The following AMMECR1 variants were observed in gnomAD, a reference collection of about 807,000 sequenced individuals.
The protein encoded by AMMECR1 is nuclear protein AMMECR1.
In AMMECR1, 3 loss-of-function variants were observed where a neutral mutation model predicts 22.5. That is an observed-to-expected ratio of 0.13 (90% confidence interval 0.06 to 0.35). AMMECR1 has a LOEUF of 0.35. Ranked by LOEUF, AMMECR1 falls within the 10% of genes least tolerant of loss-of-function variation. The pLI is 1.00. For missense variants in AMMECR1, 235 were observed against 278.7 expected (o/e 0.84, Z 1.12); for synonymous variants, 130 against 116.7 (o/e 1.11, Z -0.74).
intron 2 of AMMECR1, among the ~76,000 whole-genome samples, chrX:110,229,446 TG>T (rs938839200): frequency 8.9e-6 from 1 of 112,277 alleles, no homozygotes; most frequent in Non-Finnish European, 1.9e-5. Context: ...TGGCAATTGC[TG>T]ATTCTGTACT....
chrX:110,401,791 A>G (rs2068566796), intron 2 of AMMECR1, among the ~76,000 whole-genome samples: 1 of 112,097 alleles, frequency 8.9e-6, no homozygotes. Flanking sequence ...TGTAAAATGG[A>G]TCTAATAATA....
chrX:110,398,408 T>G (rs1238296481), intron 2 of AMMECR1, among the ~76,000 whole-genome samples: 1 of 112,645 alleles, frequency 8.9e-6, no homozygotes, highest in African/African-American at 3.2e-5. Flanking sequence ...CAGATGCCCT[T>G]CTTCCCATTA....
intron 2 of AMMECR1, among the ~76,000 whole-genome samples, chrX:110,395,475 C>T (rs2068522382): frequency 9.0e-6 from 1 of 111,670 alleles, no homozygotes; most frequent in Non-Finnish European, 1.9e-5. Context: ...CTTGGTAATC[C>T]TCATGTAATC....
In AMMECR1 at chrX:110,252,150, C is replaced by A. The variant is rs777292136; in HGVS notation, c.584+12339G>T. ...TACAGATGAGAAAACCAAGACATGG[C>A]AGAAATTCAGTAGCTTCCCTTGGGT... On this transcript the variant is annotated intron_variant, in intron 2 of 5. Coordinates refer to ENST00000262844, the MANE Select transcript of AMMECR1 (RefSeq NM_015365.3). Among the ~76,000 whole-genome samples the A allele has an allele frequency of 8.1e-5, 9 of 111,596 alleles. No individual in the cohort carries two copies. In the East Asian group the frequency reaches 2.5e-3, roughly 31 times the overall value.
At chrX:110,317,576 G>C in intron 1 of AMMECR1, 23 bp downstream of exon 1, 1 of 1,146,714 alleles carries the variant, frequency 8.7e-7, no homozygotes, top group Non-Finnish European at 1.2e-6. Flanking sequence ...AAGGGAGAGG[G>C]CGGCGGAGGG....
Position 110,383,133 on chromosome X carries a change from G to A in AMMECR1, c.-148+43525C>T, listed in dbSNP as rs777926969. On this transcript the variant is annotated intron_variant, in intron 2 of 7. Coordinates refer to the AMMECR1 transcript ENST00000372057. ...AACCACCCCTCTTCCCAGAGTGTGTGTATACAAGATGAGTTACTTAAGATT... is the reference window on the plus strand; with the variant it reads ...AACCACCCCTCTTCCCAGAGTGTGTATATACAAGATGAGTTACTTAAGATT... Among the ~76,000 whole-genome samples, 24 of 111,655 alleles carry A rather than the reference G, an allele frequency of 2.1e-4. 1 individual carries two copies. Among genetic ancestry groups the A allele is most frequent in the Non-Finnish European group, 7.5e-5 (4 of 53,079 alleles).
intron 2 of AMMECR1, among the ~76,000 whole-genome samples, chrX:110,414,458 T>C (rs979802447): frequency 2.7e-5 from 3 of 112,676 alleles, no homozygotes; most frequent in Non-Finnish European, 3.8e-5. Context: ...GAGTGTCTTC[T>C]AGGTACCAGC....
At chrX:110,370,409 A>G (rs1032497125) in intron 2 of AMMECR1, among the ~76,000 whole-genome samples, 3 of 110,802 alleles carry the variant, frequency 2.7e-5, no homozygotes, top group African/African-American at 9.9e-5. Flanking sequence ...TGGTTTCACC[A>G]TGTTGGCCAG....
intron 2 of AMMECR1, among the ~76,000 whole-genome samples, chrX:110,226,272 A>G (rs1038704687): frequency 1.5e-4 from 17 of 112,346 alleles, no homozygotes; most frequent in Non-Finnish European, 5.6e-5. Context: ...TTCAGTGATG[A>G]TCAGTGAGAT....
chrX:110,341,803 G>T (rs758650030), intron 2 of AMMECR1, among the ~76,000 whole-genome samples: 53 of 112,619 alleles, frequency 4.7e-4, no homozygotes, highest in African/African-American at 1.7e-3. Flanking sequence ...GGTGGCTCAC[G>T]CCTGTAATCC....
chrX:110,334,255 C>A (rs1000697050), intron 2 of AMMECR1, among the ~76,000 whole-genome samples: 1 of 111,481 alleles, frequency 9.0e-6, no homozygotes, highest in Non-Finnish European at 1.9e-5. Context: ...CATTTTTGCA[C>A]CCTGGTGTGT....
chrX:110,227,994 T>A (rs1445386596), intron 2 of AMMECR1, among the ~76,000 whole-genome samples: 6 of 112,101 alleles, frequency 5.4e-5, no homozygotes, highest in Non-Finnish European at 1.1e-4. Flanking sequence ...CAATCAATGT[T>A]TATTGAATCA....
intron 2 of AMMECR1, among the ~76,000 whole-genome samples, chrX:110,247,918 C>T (rs1346740723): frequency 8.9e-6 from 1 of 111,989 alleles, no homozygotes; most frequent in East Asian, 2.8e-4. Flanking sequence ...GGTTCAGGAG[C>T]AAAATAGAAG....
At chrX:110,225,580 CA>C (rs775514652) in intron 2 of AMMECR1, among the ~76,000 whole-genome samples, 1 of 112,280 alleles carries the variant, frequency 8.9e-6, no homozygotes, top group Non-Finnish European at 1.9e-5. Flanking sequence ...AGAAGTGTTT[CA>C]AACTTGGGAT....
In AMMECR1 at chrX:110,361,203, G is replaced by A. The variant is rs182976364; in HGVS notation, c.-147-43354C>T. 2.3e-3 allele frequency among the ~76,000 whole-genome samples: 256 copies of A among 111,160 alleles called. 2 individuals carry two copies. Among genetic ancestry groups the A allele is most frequent in the African/African-American group, 8.0e-3 (246 of 30,604 alleles). Reference sequence around the variant, plus strand: ...CAATTTCATTCTTCCGGTTGCTCAGGCGGAAGACCTAGGAATCAATCTTGA... The same window carrying A: ...CAATTTCATTCTTCCGGTTGCTCAGACGGAAGACCTAGGAATCAATCTTGA... On this transcript the variant is annotated intron_variant, in intron 2 of 7. Transcript: ENST00000372057.
chrX:110,198,517 G>A lies in AMMECR1; in HGVS notation c.*3C>T, dbSNP rs180715560. ...GCCCAGTGACTGGTTGTGCGGCTCA[G>A]TGTCAGGAATAATGGTTGTATGGCG... On this transcript the variant is annotated 3_prime_UTR_variant, in exon 6 of 6. Transcript: ENST00000262844. The A allele has an allele frequency of 3.6e-5, 42 of 1,158,586 alleles. No individual in the cohort carries two copies. Among genetic ancestry groups the A allele is most frequent in the African/African-American group, 5.4e-5 (3 of 55,711 alleles).
At chrX:110,432,509 G>A (rs1465152561) in intron 1 of AMMECR1, among the ~76,000 whole-genome samples, 1 of 112,018 alleles carries the variant, frequency 8.9e-6, no homozygotes, top group African/African-American at 3.3e-5. Flanking sequence ...GTGAGGCAGC[G>A]TTGGGGGCCG....
intron 2 of AMMECR1, among the ~76,000 whole-genome samples, chrX:110,361,348 G>T (rs1462162928): frequency 9.0e-5 from 10 of 111,625 alleles, no homozygotes; most frequent in African/African-American, 3.3e-4. Context: ...ATGTCACAAT[G>T]ATCTGCTTCC....
intron 2 of AMMECR1, among the ~76,000 whole-genome samples, chrX:110,424,709 A>G (rs2068741869): frequency 8.9e-6 from 1 of 111,897 alleles, no homozygotes; most frequent in Non-Finnish European, 1.9e-5. Context: ...AATTATAAGT[A>G]GTATATCAGA....
Sources: allele counts gnomAD v4.1 joint callset (sites outside exome capture counted in the v4.1 genomes callset), GRCh38; gene constraint gnomAD v4.1.1; transcripts MANE v1.5; gene names NCBI Gene and HGNC (gene_info 2026-07-23, HGNC 2026-07-21).